The following TAOK3 variants were observed in gnomAD, a reference collection of about 807,000 sequenced individuals.
TAOK3 encodes the protein TAO kinase 3.
TAOK3 carries 40 observed loss-of-function variants against 120.4 expected under a neutral mutation model. That is an observed-to-expected ratio of 0.33 (90% CI 0.26 to 0.43). The LOEUF is 0.43. Among genes scored for constraint, TAOK3 ranks in the 20% least tolerant of loss-of-function variants. TAOK3 has a pLI of 1.00. For missense variants in TAOK3, 821 were observed against 1,112.1 expected (o/e 0.74, Z 3.72); for synonymous variants, 355 against 387.5 (o/e 0.92, Z 0.99).
chr12:118,339,830 G>A (rs1253858405), intron 1 of TAOK3, among the ~76,000 whole-genome samples: 2 of 151,932 alleles, frequency 1.3e-5, no homozygotes, highest in African/African-American at 4.8e-5. Context: ...CACCGCGCCC[G>A]GCTTTAGTTG....
intron 1 of TAOK3, among the ~76,000 whole-genome samples, chr12:118,267,624 C>T (rs1001298278): frequency 2.0e-5 from 3 of 151,326 alleles, no homozygotes; most frequent in Non-Finnish European, 2.9e-5. Context: ...CAGTGGCTCA[C>T]GCCTGTAATC....
chr12:118,367,216 G>A (rs2045762630), intron 1 of TAOK3, among the ~76,000 whole-genome samples: 1 of 152,086 alleles, frequency 6.6e-6, no homozygotes, highest in Non-Finnish European at 1.5e-5. Flanking sequence ...CTGTTGCCAG[G>A]GAATTAGCCC....
intron 2 of TAOK3, among the ~76,000 whole-genome samples, chr12:118,256,329 AG>A (rs1290454450): frequency 6.6e-6 from 1 of 152,208 alleles, no homozygotes; most frequent in African/African-American, 2.4e-5. Flanking sequence ...GTGCCATTTT[AG>A]AAAACAGCCC....
chr12:118,157,651 A>G (rs2034932052), intron 19 of TAOK3, among the ~76,000 whole-genome samples: 1 of 152,208 alleles, frequency 6.6e-6, no homozygotes, highest in Admixed American at 6.5e-5. Flanking sequence ...CTCTGACATT[A>G]CACGGAGTAG....
In TAOK3 at chr12:118,151,128, C is replaced by A; in HGVS notation, c.2566G>T (p.Glu856Ter). 1 of 1,613,348 alleles carries A rather than the reference C, an allele frequency of 6.2e-7. No individual in the cohort carries two copies. Among genetic ancestry groups the A allele is most frequent in the Non-Finnish European group, 8.5e-7 (1 of 1,179,946 alleles). The change falls in exon 21 of 21, where the codon GAA becomes TAA. Residue 856 changes from glutamate to a stop codon, truncating the protein, a stop_gained. Transcript: ENST00000392533. LOFTEE classifies it high-confidence loss of function. The part of the protein sequence containing the change: ...IEEELAALQK[E>*]RSERIKNLLE... ...AGGTTCTTTATTCTCTCGCTGCGTTCCTTCTGAAGGGCAGCCAGCTCCTCT... is the reference window on the plus strand; with the variant it reads ...AGGTTCTTTATTCTCTCGCTGCGTTACTTCTGAAGGGCAGCCAGCTCCTCT...
rs923538615 is a variant in TAOK3, at chr12:118,305,932, C to T, written c.-193-39173G>A. Among the ~76,000 whole-genome samples, 9 of 150,028 alleles carry T rather than the reference C, an allele frequency of 6.0e-5. 1 individual carries two copies. Among genetic ancestry groups the T allele is most frequent in the African/African-American group, 2.0e-4 (8 of 40,868 alleles). ...AAAAAAAAAAAAAAAAAAAAGTTGG[C>T]TCAATTGCCATTCGATTTTCTCCTC... On this transcript the variant is annotated intron_variant, in intron 1 of 20. Coordinates refer to ENST00000392533, the MANE Select transcript of TAOK3 (RefSeq NM_016281.4).
chr12:118,288,946 A>G (rs1465117300), intron 1 of TAOK3, among the ~76,000 whole-genome samples: 1 of 151,560 alleles, frequency 6.6e-6, no homozygotes, highest in Non-Finnish European at 1.5e-5. Context: ...GAAAGAAAGA[A>G]AAAGAAAGAT....
At chr12:118,297,147 T>G (rs1020803041) in intron 1 of TAOK3, 1 of 152,152 alleles carries the variant, frequency 6.6e-6, no homozygotes, top group East Asian at 1.9e-4. Context: ...TCAGAAGAGA[T>G]CAAGGTAAAA....
At chr12:118,176,410 T>C (rs796877857) in intron 16 of TAOK3, among the ~76,000 whole-genome samples, 9 of 152,268 alleles carry the variant, frequency 5.9e-5, no homozygotes, top group African/African-American at 2.2e-4. Flanking sequence ...TAGGGACTTC[T>C]AGGATTTTGA....
chr12:118,345,245 A>AGATTAAAT (rs2044803774), intron 1 of TAOK3, among the ~76,000 whole-genome samples: 1 of 152,222 alleles, frequency 6.6e-6, no homozygotes, highest in Non-Finnish European at 1.5e-5. Flanking sequence ...AAAGTAGAAT[A>AGATTAAAT]GATTAAATTA....
At chr12:118,216,938 A>C (rs1007735362) in intron 9 of TAOK3, among the ~76,000 whole-genome samples, 1 of 151,770 alleles carries the variant, frequency 6.6e-6, no homozygotes. Flanking sequence ...CAAAAAAAAA[A>C]AAAAAAAAAG....
At chr12:118,243,845 T>A (rs993769685) in intron 4 of TAOK3, among the ~76,000 whole-genome samples, 3 of 151,984 alleles carry the variant, frequency 2.0e-5, no homozygotes, top group Admixed American at 6.6e-5. Flanking sequence ...CCAAACTAAT[T>A]TTTTTGTATT....
chr12:118,324,263 A>G (rs2043837458), intron 1 of TAOK3, among the ~76,000 whole-genome samples: 1 of 152,198 alleles, frequency 6.6e-6, no homozygotes, highest in Non-Finnish European at 1.5e-5. Context: ...TGGGTGCAGG[A>G]GTATAGATAT....
At position 118,164,243 on chromosome 12, in the gene TAOK3, C is replaced by T. The variant is rs551431944; in HGVS notation, c.1900-2216G>A. Reference sequence around the variant, plus strand: ...TCGGAAGGCTGAGGCAGGAGAATGGCGTGAACCCGGGAGGCGTAGCTTGCA... The same window carrying T: ...TCGGAAGGCTGAGGCAGGAGAATGGTGTGAACCCGGGAGGCGTAGCTTGCA... On this transcript the variant is annotated intron_variant, in intron 17 of 20. Coordinates refer to ENST00000392533, the MANE Select transcript of TAOK3 (RefSeq NM_016281.4). 1.2e-3 allele frequency among the ~76,000 whole-genome samples: 181 copies of T among 150,282 alleles called. 2 individuals carry two copies. Among genetic ancestry groups the T allele is most frequent in the African/African-American group, 3.5e-3 (146 of 41,160 alleles).
At chr12:118,272,588 T>A (rs1310521858) in intron 1 of TAOK3, among the ~76,000 whole-genome samples, 1 of 152,154 alleles carries the variant, frequency 6.6e-6, no homozygotes, top group Non-Finnish European at 1.5e-5. Flanking sequence ...GATACACCAT[T>A]TCAACTCCTT....
At chr12:118,278,359 T>C (rs2041977940) in intron 1 of TAOK3, among the ~76,000 whole-genome samples, 1 of 152,164 alleles carries the variant, frequency 6.6e-6, no homozygotes, top group African/African-American at 2.4e-5. Context: ...ATGTACTCAG[T>C]ATTTAGCTCT....
chr12:118,355,517 T>C (rs903903698), intron 1 of TAOK3, among the ~76,000 whole-genome samples: 6 of 152,210 alleles, frequency 3.9e-5, no homozygotes, highest in Non-Finnish European at 5.9e-5. Flanking sequence ...TGTCTCCTTC[T>C]TCCTATCCCC....
Position 118,304,472 on chromosome 12 carries a change from G to A in TAOK3, c.-193-37713C>T, listed in dbSNP as rs16948244. On this transcript the variant is annotated intron_variant, in intron 1 of 20. Coordinates refer to ENST00000392533, the MANE Select transcript of TAOK3 (RefSeq NM_016281.4). ...TAATTACCTCTTCCTAGACTTCTTC[G>A]TATGATAACTTGATTATTTCTTCAT... is the stretch of plus-strand genomic sequence containing the variant. 9.7e-3 allele frequency among the ~76,000 whole-genome samples: 1,468 copies of A among 152,080 alleles called. 25 individuals carry two copies. Among genetic ancestry groups the A allele is most frequent in the African/African-American group, 0.034 (1,390 of 41,484 alleles).
At chr12:118,192,752 C>T (rs1277508865) in intron 13 of TAOK3, among the ~76,000 whole-genome samples, 3 of 152,186 alleles carry the variant, frequency 2.0e-5, no homozygotes, top group Non-Finnish European at 2.9e-5. Flanking sequence ...CTATACCTGG[C>T]TCCCAGAGTT....
Sources: allele counts gnomAD v4.1 joint callset (sites outside exome capture counted in the v4.1 genomes callset), GRCh38; gene constraint gnomAD v4.1.1; transcripts MANE v1.5; gene names NCBI Gene and HGNC (gene_info 2026-07-23, HGNC 2026-07-21).